PIGP: variants seen among roughly 807,000 people sequenced by gnomAD.
The protein encoded by PIGP is phosphatidylinositol glycan anchor biosynthesis class P.
In PIGP, 12 loss-of-function variants were observed where a neutral mutation model predicts 16.9. That is an observed-to-expected ratio of 0.71 (90% CI 0.46 to 1.15). PIGP has a LOEUF of 1.15. Ranked by LOEUF, PIGP falls within the 50% of genes most tolerant of loss-of-function variation. The probability of loss-of-function intolerance (pLI) is 0.00; values close to 1 mark genes in which losing one functional copy is unlikely to be tolerated. For missense variants in PIGP, 159 were observed against 153.5 expected (o/e 1.04, Z -0.19); for synonymous variants, 57 against 54.7 (o/e 1.04, Z -0.18).
chr21:37,068,744 T>C (rs2069948888), intron 3 of PIGP, among the ~76,000 whole-genome samples: 1 of 152,174 alleles, frequency 6.6e-6, no homozygotes, highest in African/African-American at 2.4e-5. Flanking sequence ...TATAGATCCT[T>C]TCTCTCGGGC....
intron 1 of PIGP, 134 bp from the exon 2 acceptor site, chr21:37,072,671 C>CG: frequency 6.7e-7 from 1 of 1,496,902 alleles, no homozygotes; most frequent in Middle Eastern, 2.1e-4. Context: ...CCGCAACCCG[C>CG]GCCCCCGCCT....
At chr21:37,066,235 C>T (rs1045250273) in intron 4 of PIGP, among the ~76,000 whole-genome samples, 14 of 152,052 alleles carry the variant, frequency 9.2e-5, no homozygotes, top group Admixed American at 3.3e-4. Flanking sequence ...ACATTTCTCA[C>T]GGGAACAGAA....
At position 37,072,382 on chromosome 21, in the gene PIGP, T is replaced by C. The variant is rs1601134316; in HGVS notation, c.82+52A>G. ...CAGTCTAACCAATGTATTCTTCCCT[T>C]GTCACTGAACGCCAGAAAAAGCCCC... On this transcript the variant is annotated intron_variant, in intron 2 of 4. Transcript: ENST00000360525. 18 of 1,611,164 alleles carry C rather than the reference T, an allele frequency of 1.1e-5. No homozygotes were observed. In the East Asian group the frequency reaches 3.6e-4, roughly 32 times the overall value.
At chr21:37,065,786 A>G in intron 4 of PIGP, 74 bp from the exon 5 acceptor site, 2 of 1,331,150 alleles carry the variant, frequency 1.5e-6, no homozygotes, top group Middle Eastern at 1.9e-4. Flanking sequence ...ATGGAGACCC[A>G]CCACATAGTT....
intron 1 of PIGP, 158 bp downstream of exon 1, chr21:37,072,842 G>A (rs757489668): frequency 2.1e-5 from 10 of 477,500 alleles, no homozygotes; most frequent in Non-Finnish European, 3.3e-5. Flanking sequence ...CTCGCGCGGC[G>A]CCCACCAGCA....
intron 2 of PIGP, among the ~76,000 whole-genome samples, chr21:37,070,620 C>T (rs1012618003): frequency 2.4e-4 from 37 of 152,316 alleles, no homozygotes; most frequent in African/African-American, 8.2e-4. Context: ...ATTTAACTTG[C>T]CCATTGACTA....
At chr21:37,068,720 T>C (rs2069948419) in intron 3 of PIGP, among the ~76,000 whole-genome samples, 1 of 152,180 alleles carries the variant, frequency 6.6e-6, no homozygotes, top group Non-Finnish European at 1.5e-5. Context: ...TGGGGTCCTC[T>C]AAATGTCAGA....
At chr21:37,072,738 G>A (rs1210211790) in intron 1 of PIGP, 5 of 758,404 alleles carry the variant, frequency 6.6e-6, no homozygotes, top group Non-Finnish European at 1.1e-5. Context: ...GGGTGGCGGA[G>A]GATAGGGCAG....
chr21:37,072,181 G>A, intron 2 of PIGP: 1 of 1,483,810 alleles, frequency 6.7e-7, no homozygotes, highest in Non-Finnish European at 9.4e-7. Context: ...ACCTCCTTAA[G>A]GGCAGGGACC....
intron 2 of PIGP, among the ~76,000 whole-genome samples, chr21:37,071,051 A>C (rs2069997041): frequency 6.6e-6 from 1 of 152,218 alleles, no homozygotes; most frequent in Non-Finnish European, 1.5e-5. Context: ...GTGAGCCACC[A>C]GGCCGGCCAG....
At chr21:37,067,402 T>A (rs1331698365) in intron 3 of PIGP, 22 bp from the exon 4 acceptor site, 1 of 1,276,870 alleles carries the variant, frequency 7.8e-7, no homozygotes, top group Non-Finnish European at 1.1e-6. Flanking sequence ...AATATTAAAG[T>A]ACATAATAGA....
intron 2 of PIGP, chr21:37,072,005 T>A: frequency 1.4e-6 from 1 of 697,512 alleles, no homozygotes; most frequent in Non-Finnish European, 2.6e-6. Flanking sequence ...ACTTCTTCCC[T>A]CCCTCTTACT....
In PIGP at chr21:37,072,538, CTG is replaced by C. The variant is rs775016265; in HGVS notation, c.-22-3_-22-2del. ...CATTTTTCCTGGGGCTTTAGACAATCTGTGGAAAAGGAACACAATCAGCGTCA... is the reference window on the plus strand; with the variant it reads ...CATTTTTCCTGGGGCTTTAGACAATCTGGAAAAGGAACACAATCAGCGTCA... On this transcript the variant is annotated splice_acceptor_variant and splice_polypyrimidine_tract_variant and intron_variant, in intron 1 of 4. Coordinates refer to ENST00000360525, the MANE Select transcript of PIGP (RefSeq NM_153682.3). LOFTEE classifies it low-confidence loss of function (5UTR_SPLICE). 23 of 1,614,228 alleles carry C rather than the reference CTG, an allele frequency of 1.4e-5. No homozygotes were observed. In the East Asian group the frequency reaches 4.5e-4, roughly 31 times the overall value.
intron 2 of PIGP, among the ~76,000 whole-genome samples, chr21:37,070,030 A>C (rs1310164081): frequency 6.6e-6 from 1 of 152,146 alleles, no homozygotes; most frequent in Non-Finnish European, 1.5e-5. Flanking sequence ...CATCCACCAC[A>C]TACTGAGCTT....
chr21:37,069,714 A>C, intron 2 of PIGP, 90 bp from the exon 3 acceptor site: 1 of 907,390 alleles, frequency 1.1e-6, no homozygotes, highest in East Asian at 2.7e-5. Flanking sequence ...GATAAAACAG[A>C]AAAGCTCTTT....
rs974452916 is a variant in PIGP, at chr21:37,072,416, C to T, written c.82+18G>A. 6.2e-7 allele frequency: 1 copy of T among 1,613,904 alleles called. No individual in the cohort carries two copies. The highest frequency in any genetic ancestry group is 1.3e-5 in the African/African-American group (1 of 75,012). ...ACGCCAGAAAAAGCCCCTGGCCATC[C>T]ATCAGGAAAGTACTTACTGAAGCCA... On this transcript the variant is annotated intron_variant, in intron 2 of 4. Coordinates refer to ENST00000360525, the MANE Select transcript of PIGP (RefSeq NM_153682.3).
intron 2 of PIGP, among the ~76,000 whole-genome samples, chr21:37,071,588 C>CATCT (rs952104110): frequency 6.6e-6 from 1 of 152,210 alleles, no homozygotes; most frequent in Non-Finnish European, 1.5e-5. Context: ...CCATTACATT[C>CATCT]ATCTGCAAGC....
intron 4 of PIGP, among the ~76,000 whole-genome samples, chr21:37,066,337 CCT>C (rs1443909675): frequency 6.6e-6 from 1 of 152,080 alleles, no homozygotes; most frequent in Non-Finnish European, 1.5e-5. Context: ...AACAATTTCC[CCT>C]CTTTGCACAA....
At chr21:37,072,834 C>A in intron 1 of PIGP, 166 bp downstream of exon 1, 1 of 488,378 alleles carries the variant, frequency 2.0e-6, no homozygotes, top group Non-Finnish European at 3.6e-6. Flanking sequence ...GAACAAGGCT[C>A]GCGCGGCGCC....
Sources: gnomAD v4.1 joint callset for allele counts (sites outside exome capture counted in the v4.1 genomes callset) on GRCh38, gnomAD v4.1.1 for gene constraint, MANE v1.5 for transcripts, NCBI Gene and HGNC (gene_info 2026-07-23, HGNC 2026-07-21) for gene names.